The following MATN2 variants were observed in gnomAD, a reference collection of about 807,000 sequenced individuals.
The protein encoded by MATN2 is matrilin-2.
MATN2 carries 69 observed loss-of-function variants against 103.2 expected under a neutral mutation model. The observed-to-expected ratio is 0.67, with a 90% CI of 0.55 to 0.82. MATN2 has a LOEUF of 0.82. Ranked by LOEUF, MATN2 falls within the 40% of genes least tolerant of loss-of-function variation. The probability of loss-of-function intolerance (pLI) is 0.00; values close to 1 mark genes in which losing one functional copy is unlikely to be tolerated. For missense variants in MATN2, 1,023 were observed against 1,211.5 expected (o/e 0.84, Z 2.31); for synonymous variants, 429 against 450.2 (o/e 0.95, Z 0.60).
chr8:97,873,021 C>T (rs998399492), intron 1 of MATN2, among the ~76,000 whole-genome samples: 1 of 152,026 alleles, frequency 6.6e-6, no homozygotes, highest in Non-Finnish European at 1.5e-5. Context: ...TTTCGAACTC[C>T]TAACCTTAGG....
At chr8:97,929,197 C>G (rs1339365435) in intron 2 of MATN2, among the ~76,000 whole-genome samples, 1 of 152,184 alleles carries the variant, frequency 6.6e-6, no homozygotes, top group Non-Finnish European at 1.5e-5. Flanking sequence ...GTTGTGTGTG[C>G]AGGCACTCAG....
At chr8:98,027,383 T>C in intron 13 of MATN2, 33 bp from the exon 14 acceptor site, 1 of 1,531,440 alleles carries the variant, frequency 6.5e-7, no homozygotes, top group Non-Finnish European at 8.8e-7. Context: ...GATTTTTTAT[T>C]CAACTATGTC....
chr8:98,007,075 C>T lies in MATN2; in HGVS notation c.1328-30C>T, dbSNP rs774207396. The T allele has an allele frequency of 5.7e-6, 9 of 1,583,582 alleles. No individual in the cohort carries two copies. The highest frequency in any genetic ancestry group is 7.7e-6 in the Non-Finnish European group (9 of 1,163,838). On this transcript the variant is annotated intron_variant, in intron 8 of 18. Coordinates refer to ENST00000254898, the MANE Select transcript of MATN2 (RefSeq NM_002380.5). The surrounding 1 kb of genome is among the most constrained non-coding windows in gnomAD (Gnocchi z 4.2). Reference sequence around the variant, plus strand: ...TGGTGGGGTATTGCCCCCTCGGCTCCTCTATGCTTTCGCGTGTGTGAAAAT... The same window carrying T: ...TGGTGGGGTATTGCCCCCTCGGCTCTTCTATGCTTTCGCGTGTGTGAAAAT...
chr8:97,873,774 T>C (rs1817975712), intron 1 of MATN2, among the ~76,000 whole-genome samples: 1 of 152,136 alleles, frequency 6.6e-6, no homozygotes. Context: ...CTCAAATTTG[T>C]TTCTTTTTTA....
At chr8:97,893,846 A>C (rs955300358) in intron 2 of MATN2, among the ~76,000 whole-genome samples, 1 of 151,932 alleles carries the variant, frequency 6.6e-6, no homozygotes, top group Non-Finnish European at 1.5e-5. Flanking sequence ...CCCGGCCCCC[A>C]GTGTATTCTT....
chr8:97,897,221 T>A (rs1208657502), intron 2 of MATN2, among the ~76,000 whole-genome samples: 2 of 152,176 alleles, frequency 1.3e-5, no homozygotes, highest in Admixed American at 1.3e-4. Context: ...GTTTGAGAAC[T>A]ATTACTGTAG....
rs1811938413 is a variant in MATN2, at chr8:97,979,017, C to T, written c.1081+9C>T. ...TAAAAAAACGTGCACAAGTAAGTTA[C>T]ACACACATGCACACACAGAGAAATA... On this transcript the variant is annotated intron_variant, in intron 6 of 18. Transcript: ENST00000254898. The T allele has an allele frequency of 6.3e-7, 1 of 1,594,644 alleles. No homozygotes were observed. Among genetic ancestry groups the T allele is most frequent in the South Asian group, 1.1e-5 (1 of 88,110 alleles).
intron 2 of MATN2, among the ~76,000 whole-genome samples, chr8:97,927,745 A>C (rs1810034504): frequency 6.6e-6 from 1 of 152,164 alleles, no homozygotes; most frequent in East Asian, 1.9e-4. Flanking sequence ...TTTTGAAGGG[A>C]GAGAATCCAG....
chr8:98,021,334 G>A lies in MATN2; in HGVS notation c.1942+7G>A. 1 of 1,611,782 alleles carries A rather than the reference G, an allele frequency of 6.2e-7. No individual in the cohort carries two copies. The highest frequency in any genetic ancestry group is 8.5e-7 in the Non-Finnish European group (1 of 1,178,862). Reference sequence around the variant, plus strand: ...GACGGAAGACGGTGCAAGAGTAAGTGATCTGAACTTGGCTCTCTGCTTTAA... The same window carrying A: ...GACGGAAGACGGTGCAAGAGTAAGTAATCTGAACTTGGCTCTCTGCTTTAA... On this transcript the variant is annotated splice_region_variant and intron_variant, in intron 13 of 18. Coordinates refer to ENST00000254898, the MANE Select transcript of MATN2 (RefSeq NM_002380.5).
intron 4 of MATN2, among the ~76,000 whole-genome samples, chr8:97,943,819 A>G (rs1810654999): frequency 6.6e-6 from 1 of 152,142 alleles, no homozygotes; most frequent in Non-Finnish European, 1.5e-5. Flanking sequence ...AGTGACTGGG[A>G]TCTGGGAATC....
In MATN2 at chr8:98,022,357, GCACACACACACA is replaced by G. The variant is rs34090534; in HGVS notation, c.1942+1041_1942+1052del. Among the ~76,000 whole-genome samples the G allele has an allele frequency of 8.6e-3, 1,302 of 150,620 alleles. 20 individuals are homozygous for G. Among genetic ancestry groups the G allele is most frequent in the African/African-American group, 0.03 (1,237 of 41,054 alleles). The stretch of plus-strand genomic sequence containing the variant: ...ACATATCTAATGTGTATACCCTTAT[GCACACACACACA>G]CACACACACATACACACACCCTTTT... On this transcript the variant is annotated intron_variant, in intron 13 of 18. Transcript: ENST00000254898.
intron 5 of MATN2, among the ~76,000 whole-genome samples, chr8:97,966,302 A>T (rs1811478671): frequency 6.6e-6 from 1 of 151,728 alleles, no homozygotes; most frequent in South Asian, 2.1e-4. Context: ...ATGCCTGTAA[A>T]CCTAGGACTT....
At chr8:97,916,860 C>A (rs1809648894) in intron 2 of MATN2, among the ~76,000 whole-genome samples, 1 of 152,142 alleles carries the variant, frequency 6.6e-6, no homozygotes, top group Admixed American at 6.5e-5. Flanking sequence ...AGTTGTTGAA[C>A]CTCATATGAC....
In MATN2 at chr8:97,979,024, A is replaced by T. The variant is rs758617448; in HGVS notation, c.1081+16A>T. 1 of 1,597,304 alleles carries T rather than the reference A, an allele frequency of 6.3e-7. No individual in the cohort carries two copies. The highest frequency in any genetic ancestry group is 1.1e-5 in the South Asian group (1 of 88,514). On this transcript the variant is annotated intron_variant, in intron 6 of 18. Coordinates refer to ENST00000254898, the MANE Select transcript of MATN2 (RefSeq NM_002380.5). ...ACGTGCACAAGTAAGTTACACACACATGCACACACAGAGAAATATTTGCTG... is the reference window on the plus strand; with the variant it reads ...ACGTGCACAAGTAAGTTACACACACTTGCACACACAGAGAAATATTTGCTG...
chr8:97,954,705 C>A (rs1465370844), intron 4 of MATN2, among the ~76,000 whole-genome samples: 1 of 152,192 alleles, frequency 6.6e-6, no homozygotes, highest in Non-Finnish European at 1.5e-5. Flanking sequence ...CCGAACCGTT[C>A]CATCGTTGAA....
intron 4 of MATN2, among the ~76,000 whole-genome samples, chr8:97,955,276 G>A (rs1811107114): frequency 6.6e-6 from 1 of 152,192 alleles, no homozygotes; most frequent in African/African-American, 2.4e-5. Flanking sequence ...GCTACAGGAG[G>A]ATGCTAGGCT....
At chr8:98,011,303 A>G (rs2034779) in intron 10 of MATN2, among the ~76,000 whole-genome samples, 40,018 of 151,984 alleles carry the variant, frequency 0.26, 5,534 homozygotes, top group Admixed American at 0.36. Flanking sequence ...ATTCAGATGT[A>G]AATTTTGGGG....
intron 13 of MATN2, among the ~76,000 whole-genome samples, chr8:98,021,636 C>T (rs1215494631): frequency 2.0e-5 from 3 of 148,944 alleles, no homozygotes; most frequent in Non-Finnish European, 3.0e-5. Context: ...CAGTTCTGGG[C>T]ATGGTACTTT....
chr8:97,987,296 G>A (rs1158143749), intron 6 of MATN2, among the ~76,000 whole-genome samples: 1 of 152,156 alleles, frequency 6.6e-6, no homozygotes, highest in African/African-American at 2.4e-5. Context: ...AGCAAGGAGT[G>A]GGGAGAGGGA....
Sources: gnomAD v4.1 joint callset for allele counts (sites outside exome capture counted in the v4.1 genomes callset) on GRCh38, gnomAD v4.1.1 for gene constraint, Gnocchi (gnomAD v3.1) non-coding constraint, MANE v1.5 for transcripts, NCBI Gene and HGNC (gene_info 2026-07-23, HGNC 2026-07-21) for gene names.